The following RASAL2 variants were observed in gnomAD, a reference collection of about 807,000 sequenced individuals.
RASAL2 encodes the protein ras GTPase-activating protein nGAP.
A neutral mutation model predicts 128.9 loss-of-function variants in RASAL2; 58 were observed. The observed-to-expected ratio is 0.45, with a 90% CI of 0.36 to 0.56. RASAL2 has a LOEUF of 0.56. RASAL2 is among the 20% of genes least tolerant of loss of function. The probability of loss-of-function intolerance (pLI) is 0.00; values close to 1 mark genes in which losing one functional copy is unlikely to be tolerated. For synonymous variants in RASAL2, 561 were observed against 580.8 expected (o/e 0.97, Z 0.49); for missense variants, 1,360 against 1,601.6 (o/e 0.85, Z 2.57).
At chr1:178,393,396 A>G (rs144155684) in intron 4 of RASAL2, among the ~76,000 whole-genome samples, 31 of 152,322 alleles carry the variant, frequency 2.0e-4, no homozygotes, top group African/African-American at 7.0e-4. Flanking sequence ...CTCATCAGGA[A>G]CACACAACCT....
chr1:178,209,351 C>T (rs1475856751), intron 1 of RASAL2, among the ~76,000 whole-genome samples: 1 of 152,138 alleles, frequency 6.6e-6, no homozygotes, highest in African/African-American at 2.4e-5. Context: ...TTTGCTGAGG[C>T]ATATTATCAA....
At chr1:178,390,503 G>C (rs371644756) in intron 4 of RASAL2, among the ~76,000 whole-genome samples, 2 of 151,764 alleles carry the variant, frequency 1.3e-5, no homozygotes, top group Admixed American at 6.6e-5. Context: ...CTCAGCCTCC[G>C]GAGTAGCTGG....
At chr1:178,396,770 T>C (rs1673257574) in intron 4 of RASAL2, among the ~76,000 whole-genome samples, 1 of 151,598 alleles carries the variant, frequency 6.6e-6, no homozygotes, top group African/African-American at 2.4e-5. Context: ...ATTCCAACAG[T>C]ATTATTTGAT....
chr1:178,134,705 T>C (rs1660256982), intron 1 of RASAL2, among the ~76,000 whole-genome samples: 2 of 152,148 alleles, frequency 1.3e-5, no homozygotes, highest in South Asian at 4.1e-4. Context: ...GAGCTTTCAC[T>C]GGAAATTTCA....
intron 4 of RASAL2, among the ~76,000 whole-genome samples, chr1:178,414,408 A>G (rs1475995104): frequency 6.6e-6 from 1 of 152,184 alleles, no homozygotes; most frequent in Non-Finnish European, 1.5e-5. Context: ...CATTTGTCCA[A>G]ACCCATAGAA....
intron 3 of RASAL2, among the ~76,000 whole-genome samples, chr1:178,315,397 G>T (rs1382453398): frequency 7.1e-6 from 1 of 140,564 alleles, no homozygotes; most frequent in East Asian, 2.0e-4. Flanking sequence ...CTAGTTTACA[G>T]TCCCACCAAC....
chr1:178,365,511 G>A (rs960093518), intron 3 of RASAL2, among the ~76,000 whole-genome samples: 3 of 151,676 alleles, frequency 2.0e-5, no homozygotes, highest in Non-Finnish European at 2.9e-5. Flanking sequence ...TCTCACTGTC[G>A]CTCAGGCTGG....
At chr1:178,303,332 G>C (rs1290296802) in intron 3 of RASAL2, among the ~76,000 whole-genome samples, 1 of 152,066 alleles carries the variant, frequency 6.6e-6, no homozygotes, top group Non-Finnish European at 1.5e-5. Context: ...ATATTTTCAT[G>C]ATCTTGGATA....
At chr1:178,362,096 G>T (rs1671149954) in intron 3 of RASAL2, among the ~76,000 whole-genome samples, 2 of 152,166 alleles carry the variant, frequency 1.3e-5, no homozygotes, top group Non-Finnish European at 2.9e-5. Context: ...AACCAGTACT[G>T]CTCCGTGGCC....
At chr1:178,321,191 C>T (rs886961423) in intron 3 of RASAL2, among the ~76,000 whole-genome samples, 4 of 152,094 alleles carry the variant, frequency 2.6e-5, no homozygotes, top group Non-Finnish European at 4.4e-5. Context: ...TCCATCGATT[C>T]TCCTGTCCCA....
In RASAL2 at chr1:178,331,896, A is replaced by C. The variant is rs987512173; in HGVS notation, c.457+31778A>C. Among the ~76,000 whole-genome samples the C allele has an allele frequency of 6.0e-4, 92 of 152,084 alleles. 1 individual carries two copies. The highest frequency in any genetic ancestry group is 1.8e-4 in the Non-Finnish European group (12 of 68,000). ...GCCACCATGCCCAGCCACTTCATGC[A>C]TCATTTAAAGAATTTCAATACAAAG... On this transcript the variant is annotated intron_variant, in intron 3 of 17. Transcript: ENST00000367649.
intron 1 of RASAL2, among the ~76,000 whole-genome samples, chr1:178,281,779 T>C (rs1272482752): frequency 6.6e-6 from 1 of 152,192 alleles, no homozygotes; most frequent in Non-Finnish European, 1.5e-5. Flanking sequence ...CGTCTTGGTA[T>C]TTGACTCTAA....
chr1:178,190,611 G>T (rs747189514), intron 1 of RASAL2, among the ~76,000 whole-genome samples: 8 of 152,084 alleles, frequency 5.3e-5, no homozygotes, highest in Non-Finnish European at 8.8e-5. Context: ...GCAAAGTAAA[G>T]AACAAGGAGT....
chr1:178,244,504 G>A (rs1201457977), intron 1 of RASAL2, among the ~76,000 whole-genome samples: 1 of 152,204 alleles, frequency 6.6e-6, no homozygotes, highest in Non-Finnish European at 1.5e-5. Context: ...GCCTCCCAAA[G>A]TGCTGGGATT....
intron 1 of RASAL2, among the ~76,000 whole-genome samples, chr1:178,182,091 A>G (rs531434840): frequency 4.7e-4 from 72 of 152,316 alleles, no homozygotes; most frequent in African/African-American, 1.7e-3. Context: ...TGTTCTGCAC[A>G]GATTTGTCCA....
chr1:178,292,284 G>A (rs1466740272), intron 2 of RASAL2, among the ~76,000 whole-genome samples: 1 of 152,094 alleles, frequency 6.6e-6, no homozygotes, highest in Non-Finnish European at 1.5e-5. Context: ...AATGTGGGAG[G>A]ATTATATTAG....
chr1:178,475,352 CTTATT>C lies in RASAL2; in HGVS notation c.*2119_*2123del, dbSNP rs1353966805. 1.3e-5 allele frequency: 2 copies of C among 152,220 alleles called. No homozygotes were observed. The highest frequency in any genetic ancestry group is 2.4e-5 in the African/African-American group (1 of 41,458). The allele number at this position is 152,220 out of a possible 1,614,324, so 9.4% of individuals were successfully genotyped here. A position where few individuals can be genotyped will look rare whatever the true frequency, so the allele number is the denominator to read the frequency against. On this transcript the variant is annotated 3_prime_UTR_variant, in exon 18 of 18. Coordinates refer to ENST00000367649, the MANE Select transcript of RASAL2 (RefSeq NM_170692.4). ...GGAGGGCACACTGTGGTCAAAATCA[CTTATT>C]TTATTAGGAAAAAGAGGTAACTGTT...
At chr1:178,288,583 C>A (rs1275200244) in intron 2 of RASAL2, among the ~76,000 whole-genome samples, 1 of 145,898 alleles carries the variant, frequency 6.9e-6, no homozygotes. Flanking sequence ...TTTTGAAAAA[C>A]ATTTTAGTTT....
At chr1:178,396,027 A>G (rs10913546) in intron 4 of RASAL2, among the ~76,000 whole-genome samples, 10,795 of 151,968 alleles carry the variant, frequency 0.071, 748 homozygotes, top group African/African-American at 0.18. Context: ...GTCTCAGAGC[A>G]GAGAAAAAAA....
Sources: gnomAD v4.1 joint callset for allele counts (sites outside exome capture counted in the v4.1 genomes callset) on GRCh38, gnomAD v4.1.1 for gene constraint, MANE v1.5 for transcripts, NCBI Gene and HGNC (gene_info 2026-07-23, HGNC 2026-07-21) for gene names.